ZNF385D: variants seen among roughly 807,000 people sequenced by gnomAD.
ZNF385D encodes zinc finger protein 659.
ZNF385D carries 15 observed loss-of-function variants against 35.8 expected under a neutral mutation model. The observed-to-expected ratio is 0.42, with a 90% CI of 0.28 to 0.64. ZNF385D has a LOEUF of 0.64. Among genes scored for constraint, ZNF385D ranks in the 30% least tolerant of loss-of-function variants. The pLI, the probability that ZNF385D is intolerant of heterozygous loss-of-function variation, is 0.23. For synonymous variants in ZNF385D, 212 were observed against 186.8 expected (o/e 1.13, Z -1.10); for missense variants, 474 against 494.6 (o/e 0.96, Z 0.39).
At chr3:22,141,341 T>A (rs1262065765) in intron 3 of ZNF385D, among the ~76,000 whole-genome samples, 2 of 152,118 alleles carry the variant, frequency 1.3e-5, no homozygotes. Flanking sequence ...AATCATCTTA[T>A]AAATAGAGCA....
intron 1 of ZNF385D, among the ~76,000 whole-genome samples, chr3:21,732,461 G>A (rs1016663149): frequency 1.3e-5 from 2 of 152,160 alleles, no homozygotes; most frequent in African/African-American, 4.8e-5. Flanking sequence ...GTAAGAAACT[G>A]CCAAACTGTC....
chr3:21,932,980 CTCCAAA>C (rs1196570661), intron 3 of ZNF385D, among the ~76,000 whole-genome samples: 1 of 152,142 alleles, frequency 6.6e-6, no homozygotes, highest in Non-Finnish European at 1.5e-5. Flanking sequence ...GTATGGCTTT[CTCCAAA>C]CCTGGCTGGC....
intron 2 of ZNF385D, among the ~76,000 whole-genome samples, chr3:22,338,857 C>T (rs1460768561): frequency 6.6e-6 from 1 of 151,828 alleles, no homozygotes; most frequent in Non-Finnish European, 1.5e-5. Flanking sequence ...CGTGCCACCA[C>T]ACCTAGCTAA....
chr3:21,541,216 G>A (rs1342388097), intron 3 of ZNF385D, among the ~76,000 whole-genome samples: 1 of 152,102 alleles, frequency 6.6e-6, no homozygotes. Context: ...CCCTTAATTA[G>A]AGAATAAAAC....
At chr3:21,774,631 T>C (rs1002474734) in intron 3 of ZNF385D, among the ~76,000 whole-genome samples, 2 of 151,538 alleles carry the variant, frequency 1.3e-5, no homozygotes, top group East Asian at 2.0e-4. Context: ...GGTGCAGAGA[T>C]AGAGAGAAGT....
intron 3 of ZNF385D, among the ~76,000 whole-genome samples, chr3:22,078,153 G>A (rs1398477265): frequency 6.6e-6 from 1 of 151,970 alleles, no homozygotes; most frequent in Non-Finnish European, 1.5e-5. Context: ...TATCGGAAAC[G>A]TCAAACTGGA....
intron 2 of ZNF385D, among the ~76,000 whole-genome samples, chr3:22,313,077 T>G (rs977297637): frequency 1.3e-5 from 2 of 151,914 alleles, no homozygotes; most frequent in Non-Finnish European, 1.5e-5. Flanking sequence ...CCATAAAAAA[T>G]GATGAGTTCA....
chr3:21,838,512 A>G (rs187701371), intron 3 of ZNF385D, among the ~76,000 whole-genome samples: 143 of 152,218 alleles, frequency 9.4e-4, no homozygotes, highest in African/African-American at 3.4e-3. Flanking sequence ...AGAATATCAC[A>G]CCGACACTCT....
At chr3:21,975,697 C>G (rs1703553362) in intron 3 of ZNF385D, among the ~76,000 whole-genome samples, 1 of 119,882 alleles carries the variant, frequency 8.3e-6, no homozygotes, top group South Asian at 2.7e-4. Flanking sequence ...ATTATGTACC[C>G]ACGAAATATA....
At chr3:21,871,769 G>C (rs545482094) in intron 3 of ZNF385D, among the ~76,000 whole-genome samples, 1 of 152,102 alleles carries the variant, frequency 6.6e-6, no homozygotes, top group Admixed American at 6.6e-5. Context: ...ACTTTCGGAG[G>C]CTGAGGCAGG....
In ZNF385D at chr3:22,197,586, G is replaced by C. The variant is rs541059325; in HGVS notation, c.107-28551C>G. ...AATGGGCTTTGGGCCCTTACTCCTA[G>C]AGTGCAGGTCTTCAGGAGAGTCAGG... On this transcript the variant is annotated intron_variant, in intron 2 of 5. Transcript: ENST00000494108. 9.9e-5 allele frequency among the ~76,000 whole-genome samples: 15 copies of C among 152,216 alleles called. No homozygotes were observed. The South Asian group carries it at 2.9e-3, about 29-fold the overall frequency.
chr3:21,883,862 T>C (rs1322527957), intron 3 of ZNF385D, among the ~76,000 whole-genome samples: 3 of 152,014 alleles, frequency 2.0e-5, no homozygotes, highest in Non-Finnish European at 4.4e-5. Flanking sequence ...ATCAGAACAA[T>C]CGGTCTGAGA....
At chr3:21,627,191 C>A (rs1162503525) in intron 2 of ZNF385D, among the ~76,000 whole-genome samples, 3 of 150,754 alleles carry the variant, frequency 2.0e-5, no homozygotes, top group Non-Finnish European at 4.4e-5. Context: ...GTTTCAATGT[C>A]TTTACTTGGC....
chr3:21,755,345 G>A (rs765265784), upstream of ZNF385D, among the ~76,000 whole-genome samples: 12 of 152,028 alleles, frequency 7.9e-5, no homozygotes, highest in African/African-American at 2.7e-4. Flanking sequence ...CACTGTTTCC[G>A]TATTTTATCC....
intron 1 of ZNF385D, among the ~76,000 whole-genome samples, chr3:21,699,342 G>T (rs1213179347): frequency 6.6e-6 from 1 of 151,966 alleles, no homozygotes; most frequent in Non-Finnish European, 1.5e-5. Context: ...CTGTCAGGGG[G>T]TGAGGGGCTA....
chr3:22,030,847 C>G (rs997299742), intron 3 of ZNF385D, among the ~76,000 whole-genome samples: 1 of 152,132 alleles, frequency 6.6e-6, no homozygotes, highest in African/African-American at 2.4e-5. Flanking sequence ...ACCTATGAAC[C>G]TGTAAAATCA....
chr3:21,909,667 A>C (rs78083798), intron 3 of ZNF385D, among the ~76,000 whole-genome samples: 9,751 of 152,076 alleles, frequency 0.064, 338 homozygotes, highest in Middle Eastern at 0.079. Context: ...CAGGAATAGC[A>C]TAGGCTTGGT....
chr3:21,801,829 A>T (rs983654839), intron 3 of ZNF385D, among the ~76,000 whole-genome samples: 4 of 152,104 alleles, frequency 2.6e-5, no homozygotes, highest in Admixed American at 2.6e-4. Context: ...GGGTTTCAGG[A>T]TGCTCAGTGA....
At chr3:21,888,853 G>C (rs1698689519) in intron 3 of ZNF385D, among the ~76,000 whole-genome samples, 1 of 152,244 alleles carries the variant, frequency 6.6e-6, no homozygotes, top group Admixed American at 6.5e-5. Context: ...AGAGGGCCAA[G>C]TCTGTGGCTC....
Sources: gnomAD v4.1 joint callset for allele counts (sites outside exome capture counted in the v4.1 genomes callset) on GRCh38, gnomAD v4.1.1 for gene constraint, MANE v1.5 for transcripts, NCBI Gene and HGNC (gene_info 2026-07-23, HGNC 2026-07-21) for gene names.